Variants in COG4 observed in about 807,000 individuals in gnomAD.
COG4 encodes the protein component of oligomeric golgi complex 4.
Under a neutral mutation model 95.1 loss-of-function variants are expected in COG4, and 65 were observed. The observed-to-expected ratio is 0.68, with a 90% CI of 0.56 to 0.84. The LOEUF (loss-of-function observed/expected upper bound fraction) is 0.84, where lower values mean the gene tolerates loss of function less well. COG4 is among the 40% of genes least tolerant of loss of function. The pLI is 0.00. For synonymous variants in COG4, 421 were observed against 374.8 expected (o/e 1.12, Z -1.42); for missense variants, 1,045 against 989.1 (o/e 1.06, Z -0.76).
At chr16:70,519,120 CTTTTTTTT>C in intron 2 of COG4, among the ~76,000 whole-genome samples, 1 of 87,818 alleles carries the variant, frequency 1.1e-5, no homozygotes, top group Admixed American at 1.0e-4. Context: ...ATTTGCATTT[CTTTTTTTT>C]TTTTTTTTTG....
At chr16:70,481,308 T>C in intron 18 of COG4, 51 bp downstream of exon 18, 1 of 1,608,850 alleles carries the variant, frequency 6.2e-7, no homozygotes, top group South Asian at 1.1e-5. Flanking sequence ...GGATCCATCT[T>C]TGCCTCTTTC....
chr16:70,508,263 T>C lies in COG4; in HGVS notation c.1061+143A>G, dbSNP rs974282987. The C allele has an allele frequency of 1.1e-5, 8 of 756,080 alleles. No homozygotes were observed. In the African/African-American group the frequency reaches 1.2e-4, roughly 12 times the overall value. The allele number at this position is 756,080 out of a possible 1,614,324, so 46.8% of individuals were successfully genotyped here. ...ATTTATTTATATATACTTTTGTTCA[T>C]ATGATACATTGCACTGAAAAATAAG... On this transcript the variant is annotated intron_variant, in intron 8 of 18. Coordinates refer to ENST00000323786, the MANE Select transcript of COG4 (RefSeq NM_015386.3).
At chr16:70,509,187 G>A (rs770367353) in intron 7 of COG4, 44 bp downstream of exon 7, 54 of 1,611,716 alleles carry the variant, frequency 3.4e-5, no homozygotes, top group Middle Eastern at 1.7e-4. Context: ...AGTGTTCCTC[G>A]CTAAAGCTGC....
chr16:70,497,482 T>A, intron 10 of COG4, 95 bp from the exon 11 acceptor site: 1 of 1,193,610 alleles, frequency 8.4e-7, no homozygotes, highest in Non-Finnish European at 1.2e-6. Context: ...TGCTCCCTTT[T>A]CTGTACCTTG....
chr16:70,508,446 T>G lies in COG4; in HGVS notation c.1021A>C (p.Asn341His), dbSNP rs149775807. Residue 341 changes from asparagine to histidine, a missense_variant, in exon 8 of 19, where the codon AAC (asparagine) becomes CAC (histidine). Physicochemically the swap from Asn to His is moderately conservative, Grantham distance 68. Coordinates refer to ENST00000323786, the MANE Select transcript of COG4 (RefSeq NM_015386.3). ...TCTGTTGTAGAATTTCTCATCAGGT[T>G]GTTCTGAACATGCCGGAACTGCAAC... Reference protein sequence around the residue: ...YHQQFRHVQNNLMRNSTTEKI... With the variant: ...YHQQFRHVQNHLMRNSTTEKI... 1.9e-6 allele frequency: 3 copies of G among 1,614,204 alleles called. No individual in the cohort carries two copies. Among genetic ancestry groups the G allele is most frequent in the Non-Finnish European group, 2.5e-6 (3 of 1,180,010 alleles).
chr16:70,481,081 C>T lies in COG4; in HGVS notation c.2299G>A (p.Ala767Thr), dbSNP rs749494856. Residue 767 changes from alanine to threonine, a missense_variant, in exon 19 of 19, where the codon GCT (alanine) becomes ACT (threonine). Transcript: ENST00000323786. ...AGGGCCAGCACCTGGCGCACTTCAG[C>T]AGGGGTGAGGCGCCACGTCAATGGG... Reference protein sequence around the residue: ...SGPLTWRLTPAEVRQVLALRI... With the variant: ...SGPLTWRLTPTEVRQVLALRI... 1.7e-5 allele frequency: 27 copies of T among 1,613,344 alleles called. No individual in the cohort carries two copies. The highest frequency in any genetic ancestry group is 2.2e-5 in the East Asian group (1 of 44,886).
intron 8 of COG4, among the ~76,000 whole-genome samples, chr16:70,508,014 G>C (rs1326315538): frequency 1.3e-5 from 2 of 151,818 alleles, no homozygotes; most frequent in Non-Finnish European, 2.9e-5. Context: ...TCCGCCTCCT[G>C]GGTTGAAGTG....
At position 70,497,268 on chromosome 16, in the gene COG4, G is replaced by C. The variant is rs756524430; in HGVS notation, c.1434C>G (p.Leu478=). The C allele has an allele frequency of 7.0e-5, 113 of 1,614,058 alleles. No individual in the cohort carries two copies. The highest frequency in any genetic ancestry group is 3.2e-4 in the Admixed American group (19 of 59,998). The stretch of plus-strand genomic sequence containing the variant: ...TGGTGGCGAGGTTGATCATGGCACA[G>C]AGACAGTCAATGCTGGAGCTGGACA... ...RALSSSSIDC[L]CAMINLATTE... Residue 478 remains leucine, a synonymous_variant, in exon 11 of 19, where the codon CTC becomes CTG. Coordinates refer to ENST00000323786, the MANE Select transcript of COG4 (RefSeq NM_015386.3).
intron 13 of COG4, 23 bp downstream of exon 13, chr16:70,490,307 C>T (rs1423549264): frequency 5.0e-6 from 8 of 1,600,396 alleles, no homozygotes; most frequent in Non-Finnish European, 8.6e-7. Flanking sequence ...CTGCTGACCA[C>T]TGATAGGCAA....
intron 6 of COG4, 38 bp downstream of exon 6, chr16:70,509,876 TAC>T (rs1567390433): frequency 2.0e-6 from 3 of 1,464,406 alleles, no homozygotes; most frequent in African/African-American, 2.8e-5. Flanking sequence ...AGGTGTCATA[TAC>T]AGTCTCCAGT....
At chr16:70,513,452 C>T (rs796788190) in intron 4 of COG4, among the ~76,000 whole-genome samples, 7 of 152,214 alleles carry the variant, frequency 4.6e-5, no homozygotes, top group Middle Eastern at 3.4e-3. Flanking sequence ...ATTCCAAGAC[C>T]GTTATGGATG....
At chr16:70,492,714 G>A (rs1482360615) in intron 12 of COG4, among the ~76,000 whole-genome samples, 2 of 150,790 alleles carry the variant, frequency 1.3e-5, no homozygotes, top group African/African-American at 4.9e-5. Context: ...TGTAATCCCA[G>A]CACTTTGGGA....
At chr16:70,498,084 A>AT (rs745752080) in intron 9 of COG4, 29 bp from the exon 10 acceptor site, 79 of 1,451,432 alleles carry the variant, frequency 5.4e-5, no homozygotes, top group Admixed American at 1.7e-4. Flanking sequence ...AGGAATACTC[A>AT]TTTTTTTTCC....
At chr16:70,501,937 G>T (rs1002480204) in intron 8 of COG4, among the ~76,000 whole-genome samples, 3 of 151,806 alleles carry the variant, frequency 2.0e-5, no homozygotes, top group Non-Finnish European at 4.4e-5. Flanking sequence ...CTCTTGAAGT[G>T]CTGGGATTAC....
At chr16:70,497,513 G>T in intron 10 of COG4, 126 bp from the exon 11 acceptor site, 2 of 888,268 alleles carry the variant, frequency 2.3e-6, no homozygotes, top group Non-Finnish European at 3.7e-6. Context: ...TCCCAACATG[G>T]CGTGCATCCT....
chr16:70,481,957 C>T, intron 16 of COG4, 92 bp from the exon 17 acceptor site: 3 of 1,371,176 alleles, frequency 2.2e-6, no homozygotes, highest in Middle Eastern at 3.6e-4. Flanking sequence ...AGCGTGAGGC[C>T]ACGGGGGAGT....
intron 13 of COG4, among the ~76,000 whole-genome samples, chr16:70,489,342 C>T (rs1296049237): frequency 6.6e-6 from 1 of 151,376 alleles, no homozygotes; most frequent in Non-Finnish European, 1.5e-5. Flanking sequence ...CTCAGCCTCC[C>T]GAGTAGCTGG....
At chr16:70,505,783 A>C (rs1475474456) in intron 8 of COG4, among the ~76,000 whole-genome samples, 2 of 151,484 alleles carry the variant, frequency 1.3e-5, no homozygotes, top group African/African-American at 4.8e-5. Flanking sequence ...GAGCCGAGAT[A>C]GCGCCACTGC....
chr16:70,500,365 C>CTTTTTTTTTTTTTTTTTTT (rs68141616), intron 9 of COG4, among the ~76,000 whole-genome samples: 1 of 96,174 alleles, frequency 1.0e-5, no homozygotes, highest in African/African-American at 5.0e-5. Flanking sequence ...ATTATATACT[C>CTTTTTTTTTTTTTTTTTTT]TTTTTTTTTT....
Sources: gnomAD v4.1 joint callset for allele counts (sites outside exome capture counted in the v4.1 genomes callset) on GRCh38, gnomAD v4.1.1 for gene constraint, MANE v1.5 for transcripts, NCBI Gene and HGNC (gene_info 2026-07-23, HGNC 2026-07-21) for gene names.